SEMA6D: variants seen among roughly 807,000 people sequenced by gnomAD.
SEMA6D encodes the protein semaphorin 6D.
Under a neutral mutation model 106.6 loss-of-function variants are expected in SEMA6D, and 35 were observed. The observed-to-expected ratio is 0.33, with a 90% CI of 0.25 to 0.44. SEMA6D has a LOEUF of 0.44. SEMA6D is among the 20% of genes least tolerant of loss of function. SEMA6D has a pLI of 1.00. For synonymous variants in SEMA6D, 499 were observed against 487.7 expected (o/e 1.02, Z -0.31); for missense variants, 1,185 against 1,345.9 (o/e 0.88, Z 1.87).
chr15:47,600,629 A>G (rs1432665350), intron 3 of SEMA6D, among the ~76,000 whole-genome samples: 1 of 152,176 alleles, frequency 6.6e-6, no homozygotes, highest in Non-Finnish European at 1.5e-5. Context: ...GCTTTTCCTC[A>G]GCTGAACATA....
At chr15:47,204,660 C>T (rs1894936915) in intron 1 of SEMA6D, among the ~76,000 whole-genome samples, 1 of 152,082 alleles carries the variant, frequency 6.6e-6, no homozygotes, top group Non-Finnish European at 1.5e-5. Flanking sequence ...TCTCACCTGT[C>T]AGCTCTGTGA....
intron 3 of SEMA6D, among the ~76,000 whole-genome samples, chr15:47,552,841 T>TAA (rs1555389645): frequency 3.3e-3 from 122 of 36,642 alleles, no homozygotes; most frequent in Non-Finnish European, 3.9e-3. Flanking sequence ...TATATATATA[T>TAA]AAATATATAT....
chr15:47,203,847 TTTA>T (rs1201071590), intron 1 of SEMA6D, among the ~76,000 whole-genome samples: 1 of 152,236 alleles, frequency 6.6e-6, no homozygotes, highest in Non-Finnish European at 1.5e-5. Context: ...TTCCTATTTG[TTTA>T]TTTAATTTAA....
intron 3 of SEMA6D, among the ~76,000 whole-genome samples, chr15:47,520,497 A>G (rs1397025068): frequency 6.6e-6 from 1 of 152,244 alleles, no homozygotes; most frequent in African/African-American, 2.4e-5. Context: ...CAAGACCTAC[A>G]GTAATGTCAT....
intron 3 of SEMA6D, among the ~76,000 whole-genome samples, chr15:47,540,195 G>C (rs1398205857): frequency 6.6e-6 from 1 of 152,062 alleles, no homozygotes. Flanking sequence ...TTCTTAATAA[G>C]AACTTTAAAA....
intron 1 of SEMA6D, chr15:47,380,337 GT>G (rs2039594068): frequency 6.6e-6 from 1 of 152,110 alleles, no homozygotes; most frequent in South Asian, 2.1e-4. Flanking sequence ...ATTATCCTCA[GT>G]TTCCAGGTTC....
chr15:47,538,331 G>T (rs908465508), intron 3 of SEMA6D, among the ~76,000 whole-genome samples: 7 of 152,244 alleles, frequency 4.6e-5, no homozygotes, highest in Admixed American at 3.9e-4. Context: ...GTTTGAAGAA[G>T]TTGGGTGTTG....
chr15:47,451,690 AT>A (rs2140933884), intron 2 of SEMA6D, among the ~76,000 whole-genome samples: 1 of 152,084 alleles, frequency 6.6e-6, no homozygotes, highest in South Asian at 2.1e-4. Context: ...AATTCATATG[AT>A]TTAAGTCCTC....
intron 18 of SEMA6D, among the ~76,000 whole-genome samples, chr15:47,769,682 A>G (rs955830804): frequency 6.6e-6 from 1 of 152,066 alleles, no homozygotes; most frequent in African/African-American, 2.4e-5. Flanking sequence ...AGACTTGAAT[A>G]CCTCTTAAAC....
intron 3 of SEMA6D, chr15:47,527,889 G>A (rs1656624): frequency 0.28 from 42,563 of 152,036 alleles, 6,157 homozygotes; most frequent in East Asian, 0.47. Flanking sequence ...TTGCATGTCA[G>A]TAGAGTAAAG....
At chr15:47,609,125 C>T (rs758957786) in intron 4 of SEMA6D, among the ~76,000 whole-genome samples, 10 of 152,118 alleles carry the variant, frequency 6.6e-5, no homozygotes, top group Non-Finnish European at 1.3e-4. Flanking sequence ...ATTTAAGTGA[C>T]CATATTAGTT....
intron 1 of SEMA6D, among the ~76,000 whole-genome samples, chr15:47,195,974 A>T (rs1894317953): frequency 6.6e-6 from 1 of 151,728 alleles, no homozygotes; most frequent in South Asian, 2.1e-4. Flanking sequence ...ACCCACCACC[A>T]CTGGCCTCAG....
At chr15:47,635,649 A>G (rs73390994) in intron 4 of SEMA6D, among the ~76,000 whole-genome samples, 5,224 of 152,258 alleles carry the variant, frequency 0.034, 295 homozygotes, top group African/African-American at 0.12. Flanking sequence ...GTTGTCTGCA[A>G]TAAGTCCAGG....
At position 47,589,965 on chromosome 15, in the gene SEMA6D, A is replaced by T. The variant is rs76317937; in HGVS notation, c.-86-10900A>T. On this transcript the variant is annotated intron_variant, in intron 3 of 19. Transcript: ENST00000558014. ...ATTGGGTTCAGTTAGATGGTTCTAG[A>T]TTGGGGTCTGTATTGGGCTGAATTG... is the stretch of plus-strand genomic sequence containing the variant. Among the ~76,000 whole-genome samples the T allele has an allele frequency of 1.0e-2, 1,518 of 152,244 alleles. 20 individuals carry two copies. Among genetic ancestry groups the T allele is most frequent in the African/African-American group, 0.034 (1,400 of 41,546 alleles).
At chr15:47,669,360 C>A (rs1375731658) in intron 4 of SEMA6D, among the ~76,000 whole-genome samples, 2 of 152,162 alleles carry the variant, frequency 1.3e-5, no homozygotes, top group Non-Finnish European at 2.9e-5. Flanking sequence ...CTCCTATGGG[C>A]AGGGCTTCTT....
chr15:47,395,623 G>T (rs1335746022), intron 1 of SEMA6D: 4 of 152,340 alleles, frequency 2.6e-5, no homozygotes, highest in South Asian at 2.1e-4. Context: ...GAGCTATCAT[G>T]TGGAGAAATG....
At chr15:47,647,994 GA>G (rs2077613601) in intron 4 of SEMA6D, among the ~76,000 whole-genome samples, 2 of 151,892 alleles carry the variant, frequency 1.3e-5, no homozygotes, top group Admixed American at 1.3e-4. Context: ...CAACAGAAAT[GA>G]AAAAGAAAAA....
chr15:47,448,791 A>G (rs763963580), intron 2 of SEMA6D, among the ~76,000 whole-genome samples: 18 of 152,044 alleles, frequency 1.2e-4, no homozygotes, highest in Non-Finnish European at 2.4e-4. Context: ...TCTTCTTCCA[A>G]TGAGAGGACT....
At chr15:47,250,965 A>T (rs1167682213) in intron 1 of SEMA6D, among the ~76,000 whole-genome samples, 2 of 152,264 alleles carry the variant, frequency 1.3e-5, no homozygotes, top group Non-Finnish European at 2.9e-5. Context: ...TTAATGCATT[A>T]AAAGGTTTTG....
Sources: gnomAD v4.1 joint callset for allele counts (sites outside exome capture counted in the v4.1 genomes callset) on GRCh38, gnomAD v4.1.1 for gene constraint, MANE v1.5 for transcripts, NCBI Gene and HGNC (gene_info 2026-07-23, HGNC 2026-07-21) for gene names.